Variants in SLC4A4 observed in about 807,000 individuals in gnomAD.
SLC4A4 encodes solute carrier family 4 member 4.
Under a neutral mutation model 111.5 loss-of-function variants are expected in SLC4A4, and 27 were observed. The ratio of observed to expected loss-of-function variants is 0.24; its 90% CI spans 0.18 to 0.33. The LOEUF is 0.33. Among genes scored for constraint, SLC4A4 ranks in the 10% least tolerant of loss-of-function variants. The pLI, the probability that SLC4A4 is intolerant of heterozygous loss-of-function variation, is 1.00. For synonymous variants in SLC4A4, 443 were observed against 463.4 expected (o/e 0.96, Z 0.57); for missense variants, 909 against 1,315.5 (o/e 0.69, Z 4.78).
chr4:71,451,240 C>A lies in SLC4A4; in HGVS notation c.1261C>A (p.His421Asn), dbSNP rs576843254. The change falls in exon 11 of 26, where the codon CAT becomes AAT. Residue 421 changes from histidine (H) to asparagine (N), a missense_variant. Coordinates refer to ENST00000264485, the MANE Select transcript of SLC4A4 (RefSeq NM_001098484.3). Reference sequence around the variant, plus strand: ...TGTTCAGATGAATGGGGATACGCCCCATGATGGAGGTCACGGAGGAGGAGG... The same window carrying A: ...TGTTCAGATGAATGGGGATACGCCCAATGATGGAGGTCACGGAGGAGGAGG... ...ENVQMNGDTP[H>N]DGGHGGGGHG... is the part of the protein sequence containing the mutation. 1.9e-6 allele frequency: 3 copies of A among 1,613,398 alleles called. No homozygotes were observed. Among genetic ancestry groups the A allele is most frequent in the Non-Finnish European group, 2.5e-6 (3 of 1,179,510 alleles).
intron 14 of SLC4A4, among the ~76,000 whole-genome samples, chr4:71,478,605 T>C (rs2149117911): frequency 6.6e-6 from 1 of 151,448 alleles, no homozygotes; most frequent in South Asian, 2.1e-4. Context: ...CCGGGGTCTG[T>C]TAGGGGGTTG....
intron 3 of SLC4A4, among the ~76,000 whole-genome samples, chr4:71,317,194 T>A (rs909476755): frequency 2.6e-5 from 4 of 151,920 alleles, no homozygotes; most frequent in African/African-American, 9.7e-5. Flanking sequence ...GTGAGTTTAG[T>A]CCCTGAAATG....
chr4:71,315,151 T>A (rs1302865389), intron 3 of SLC4A4, among the ~76,000 whole-genome samples: 1 of 152,282 alleles, frequency 6.6e-6, no homozygotes, highest in South Asian at 2.1e-4. Context: ...TTTGGCTGAC[T>A]TCTTTTAGGT....
intron 14 of SLC4A4, among the ~76,000 whole-genome samples, chr4:71,473,774 C>G (rs937417808): frequency 1.3e-5 from 2 of 151,808 alleles, no homozygotes; most frequent in African/African-American, 4.8e-5. Context: ...TTATAAAATT[C>G]CATTTTATAA....
At chr4:71,534,475 T>C in intron 18 of SLC4A4, 87 bp downstream of exon 18, 2 of 1,273,460 alleles carry the variant, frequency 1.6e-6, no homozygotes, top group Non-Finnish European at 2.3e-6. Context: ...CAAGGGAGCT[T>C]TGTTGGGAGT....
At chr4:71,542,326 C>T (rs543322827) in intron 18 of SLC4A4, among the ~76,000 whole-genome samples, 70 of 152,114 alleles carry the variant, frequency 4.6e-4, no homozygotes, top group African/African-American at 1.5e-3. Flanking sequence ...ACAGTGTTGT[C>T]GTGTCTGTCC....
At chr4:71,159,122 C>T (rs1234444609) in intron 2 of SLC4A4, among the ~76,000 whole-genome samples, 5 of 152,180 alleles carry the variant, frequency 3.3e-5, no homozygotes. Context: ...TGTATAGCTA[C>T]ATATCTATAT....
rs181605677 is a variant in SLC4A4 at position 71,500,439 on chromosome 4, T to C, written c.2166+2747T>C. Among the ~76,000 whole-genome samples, 535 of 152,308 alleles carry C rather than the reference T, an allele frequency of 3.5e-3. 4 individuals carry two copies. The highest frequency in any genetic ancestry group is 0.012 in the African/African-American group (512 of 41,564). On this transcript the variant is annotated intron_variant, in intron 16 of 25. Coordinates refer to ENST00000264485, the MANE Select transcript of SLC4A4 (RefSeq NM_001098484.3). ...CCTTTATGTTTTCTTTTAATAATTT[T>C]ACAGTTTCAGGTCTTATATTTAAGT...
At chr4:71,262,775 T>C (rs571252055) in intron 3 of SLC4A4, among the ~76,000 whole-genome samples, 2 of 151,962 alleles carry the variant, frequency 1.3e-5, no homozygotes, top group Non-Finnish European at 2.9e-5. Flanking sequence ...TTTTTTTTTC[T>C]AGCAAACAGT....
At chr4:71,277,836 A>G (rs948982957) in intron 3 of SLC4A4, among the ~76,000 whole-genome samples, 1 of 152,120 alleles carries the variant, frequency 6.6e-6, no homozygotes, top group Non-Finnish European at 1.5e-5. Context: ...ATAAAACTAT[A>G]TAAATTTAAG....
At chr4:71,549,047 A>G (rs1264929409) in intron 20 of SLC4A4, among the ~76,000 whole-genome samples, 1 of 151,908 alleles carries the variant, frequency 6.6e-6, no homozygotes, top group East Asian at 1.9e-4. Context: ...TATGTATCTC[A>G]TCTTAGACAA....
chr4:71,335,470 G>A (rs1312959057), intron 3 of SLC4A4, among the ~76,000 whole-genome samples: 1 of 152,088 alleles, frequency 6.6e-6, no homozygotes, highest in African/African-American at 2.4e-5. Context: ...TGATTGGAAA[G>A]GCATTGCAAA....
chr4:71,516,256 C>T (rs566211603), intron 16 of SLC4A4, among the ~76,000 whole-genome samples: 30 of 151,524 alleles, frequency 2.0e-4, no homozygotes, highest in South Asian at 1.1e-3. Flanking sequence ...CCACCACGCC[C>T]GGCTAATTTT....
chr4:71,450,290 T>A (rs1351027746), intron 9 of SLC4A4, 99 bp from the exon 10 acceptor site: 5 of 866,944 alleles, frequency 5.8e-6, no homozygotes, highest in African/African-American at 1.7e-5. Flanking sequence ...TTAATATTAA[T>A]AGCACAGTTG....
intron 2 of SLC4A4, among the ~76,000 whole-genome samples, chr4:71,120,151 TC>T (rs750603307): frequency 2.6e-5 from 4 of 152,204 alleles, no homozygotes; most frequent in Admixed American, 6.5e-5. Context: ...TTTTCTTGTG[TC>T]CTTTGATTGT....
intron 18 of SLC4A4, among the ~76,000 whole-genome samples, chr4:71,543,060 A>C (rs1472162114): frequency 1.3e-5 from 2 of 152,124 alleles, no homozygotes; most frequent in Non-Finnish European, 2.9e-5. Context: ...TGACACCGCA[A>C]ATGTGGCTGA....
intron 2 of SLC4A4, among the ~76,000 whole-genome samples, chr4:71,131,344 C>T (rs576833030): frequency 2.1e-4 from 32 of 152,312 alleles, no homozygotes; most frequent in Admixed American, 5.2e-4. Context: ...CCTCCTTGCT[C>T]AGCAGTCCTC....
intron 1 of SLC4A4, among the ~76,000 whole-genome samples, chr4:71,075,556 C>T (rs1380372301): frequency 6.6e-6 from 1 of 152,194 alleles, no homozygotes; most frequent in Non-Finnish European, 1.5e-5. Flanking sequence ...ACTGTTGTCC[C>T]AGGAACTTTG....
chr4:71,297,953 T>C (rs1724941367), intron 3 of SLC4A4, among the ~76,000 whole-genome samples: 1 of 152,178 alleles, frequency 6.6e-6, no homozygotes, highest in Non-Finnish European at 1.5e-5. Flanking sequence ...TGGCAAAGTA[T>C]AAAAAGCATA....
Sources: allele counts gnomAD v4.1 joint callset (sites outside exome capture counted in the v4.1 genomes callset), GRCh38; gene constraint gnomAD v4.1.1; transcripts MANE v1.5; gene names NCBI Gene and HGNC (gene_info 2026-07-23, HGNC 2026-07-21).